The following PDE2A variants were observed in gnomAD, a reference collection of about 807,000 sequenced individuals.
PDE2A encodes cGMP-dependent 3',5'-cyclic phosphodiesterase.
Under a neutral mutation model 133.6 loss-of-function variants are expected in PDE2A, and 53 were observed. The observed-to-expected ratio is 0.40, with a 90% CI of 0.32 to 0.50. The LOEUF (loss-of-function observed/expected upper bound fraction) is 0.50. Ranked by LOEUF, PDE2A falls within the 20% of genes least tolerant of loss-of-function variation. The pLI is 0.73. For synonymous variants in PDE2A, 491 were observed against 490.2 expected, an observed-to-expected ratio of 1.00 and a Z score of -0.02; for missense variants, 796 against 1,232.4, an observed-to-expected ratio of 0.65 and a Z score of 5.30.
At chr11:72,650,048 T>C (rs1854683939) in intron 1 of PDE2A, among the ~76,000 whole-genome samples, 1 of 145,480 alleles carries the variant, frequency 6.9e-6, no homozygotes, top group South Asian at 2.2e-4. Flanking sequence ...TTAGATGGAG[T>C]CTTGCTCTGT....
intron 1 of PDE2A, among the ~76,000 whole-genome samples, chr11:72,664,743 AG>A (rs1452079835): frequency 6.6e-6 from 1 of 151,946 alleles, no homozygotes; most frequent in Non-Finnish European, 1.5e-5. Flanking sequence ...TAAAACTTAA[AG>A]GTCACTCTGT....
chr11:72,651,719 G>A (rs1406219737), intron 1 of PDE2A, among the ~76,000 whole-genome samples: 1 of 152,226 alleles, frequency 6.6e-6, no homozygotes, highest in Non-Finnish European at 1.5e-5. Context: ...TGCCCCAGCA[G>A]GCCTCAGCAT....
chr11:72,650,147 G>A (rs909635635), intron 1 of PDE2A, among the ~76,000 whole-genome samples: 12 of 151,298 alleles, frequency 7.9e-5, no homozygotes, highest in Admixed American at 6.6e-4. Context: ...TCAGCCTCCC[G>A]AGTAGCTGAG....
At chr11:72,591,425 C>A in intron 6 of PDE2A, 69 bp from the exon 7 acceptor site, 2 of 1,173,870 alleles carry the variant, frequency 1.7e-6, no homozygotes, top group South Asian at 1.2e-5. Flanking sequence ...AGTGCCCTCC[C>A]CATGCGCAGC....
chr11:72,636,035 G>T, intron 2 of PDE2A: 1 of 1,272,876 alleles, frequency 7.9e-7, no homozygotes, highest in South Asian at 1.3e-5. Flanking sequence ...GCCCCCAGTA[G>T]AGGCAACCGT....
At chr11:72,626,311 G>T (rs1858063083) in intron 2 of PDE2A, among the ~76,000 whole-genome samples, 1 of 152,200 alleles carries the variant, frequency 6.6e-6, no homozygotes, top group African/African-American at 2.4e-5. Flanking sequence ...CCGCCTCCCT[G>T]GTCCCAGGTC....
chr11:72,579,399 G>T lies in PDE2A; in HGVS notation c.2257-16C>A. On this transcript the variant is annotated splice_polypyrimidine_tract_variant and intron_variant, in intron 26 of 30. Coordinates refer to ENST00000334456, the MANE Select transcript of PDE2A (RefSeq NM_002599.5). ...GCTGATAGTCCTGAGGCGAGGGCAGGGGTGTCATGCCCTCCTACTGGACAC... is the reference window on the plus strand; with the variant it reads ...GCTGATAGTCCTGAGGCGAGGGCAGTGGTGTCATGCCCTCCTACTGGACAC... 6.2e-7 allele frequency: 1 copy of T among 1,607,236 alleles called. No homozygotes were observed. The highest frequency in any genetic ancestry group is 8.5e-7 in the Non-Finnish European group (1 of 1,174,420).
chr11:72,642,126 G>A lies in PDE2A; in HGVS notation c.144+128C>T, dbSNP rs1858978110. The A allele has an allele frequency of 3.9e-6, 5 of 1,272,324 alleles. No individual in the cohort carries two copies. The South Asian group carries it at 8.1e-5, about 20-fold the overall frequency. The allele number at this position is 1,272,324 out of a possible 1,614,324, so 78.8% of individuals were successfully genotyped here. On this transcript the variant is annotated intron_variant, in intron 2 of 30. Transcript: ENST00000334456. The stretch of plus-strand genomic sequence containing the variant: ...GCTCTTGGTCTGCGCTGCCGTCCCA[G>A]CACAGGAGTAGAATTCAGAACTAGA...
chr11:72,608,623 G>A (rs1857070601), intron 3 of PDE2A, 39 bp downstream of exon 3: 1 of 994,024 alleles, frequency 1.0e-6, no homozygotes, highest in Non-Finnish European at 1.6e-6. Context: ...AAGGATTTGG[G>A]GGTGGGGTGG....
intron 4 of PDE2A, among the ~76,000 whole-genome samples, chr11:72,602,187 CAAG>C (rs1397012718): frequency 6.6e-6 from 1 of 152,164 alleles, no homozygotes; most frequent in Non-Finnish European, 1.5e-5. Flanking sequence ...CTTACAAGCA[CAAG>C]AAGACAGGAA....
At chr11:72,671,536 A>G (rs933120324) in intron 1 of PDE2A, among the ~76,000 whole-genome samples, 10 of 145,376 alleles carry the variant, frequency 6.9e-5, no homozygotes, top group East Asian at 4.6e-4. Context: ...CAGCCAAGCC[A>G]TCAGCAGTCC....
At chr11:72,580,648 G>A in intron 24 of PDE2A, 24 bp from the exon 25 acceptor site, 1 of 1,550,494 alleles carries the variant, frequency 6.4e-7, no homozygotes, top group Non-Finnish European at 8.8e-7. Flanking sequence ...GGAAAACTGT[G>A]GTCACTCCTC....
At chr11:72,615,726 A>T (rs930521154) in intron 2 of PDE2A, among the ~76,000 whole-genome samples, 1 of 152,042 alleles carries the variant, frequency 6.6e-6, no homozygotes, top group Admixed American at 6.6e-5. Context: ...TCTCCATGCC[A>T]TCACAGTCAT....
At chr11:72,610,528 G>A (rs577296060) in intron 2 of PDE2A, among the ~76,000 whole-genome samples, 1 of 152,256 alleles carries the variant, frequency 6.6e-6, no homozygotes, top group South Asian at 2.1e-4. Flanking sequence ...GTTCCCAGGA[G>A]GAGGGCAGTA....
chr11:72,664,416 C>A (rs891670655), intron 1 of PDE2A, among the ~76,000 whole-genome samples: 1 of 118,168 alleles, frequency 8.5e-6, no homozygotes, highest in Admixed American at 1.1e-4. Context: ...CTCTGTCCCT[C>A]AGGCTGGAGT....
chr11:72,579,360 C>G lies in PDE2A; in HGVS notation c.2280G>C (p.Leu760=). 1 of 1,613,848 alleles carries G rather than the reference C, an allele frequency of 6.2e-7. No homozygotes were observed. The highest frequency in any genetic ancestry group is 1.1e-5 in the South Asian group (1 of 91,086). ...CTGTGGCCAAGATGATGTCCCGCAT[C>G]AGATCCAGCATGCGCTGATAGTCCT... ...SRKDYQRMLD[L]MRDIILATDL... is the part of the protein sequence containing the mutation. The change falls in exon 27 of 31, where the codon CTG becomes CTC. Residue 760 remains leucine, a synonymous_variant. Coordinates refer to ENST00000334456, the MANE Select transcript of PDE2A (RefSeq NM_002599.5).
intron 4 of PDE2A, among the ~76,000 whole-genome samples, chr11:72,603,502 G>A (rs1856844380): frequency 6.6e-6 from 1 of 152,142 alleles, no homozygotes; most frequent in Admixed American, 6.5e-5. Flanking sequence ...GCTGCCTCCT[G>A]AGCCTGTTTT....
chr11:72,669,851 A>C (rs1409460928), intron 1 of PDE2A, among the ~76,000 whole-genome samples: 1 of 152,102 alleles, frequency 6.6e-6, no homozygotes, highest in East Asian at 1.9e-4. Context: ...TTCACTGAAC[A>C]CCCCTTTCTC....
intron 14 of PDE2A, among the ~76,000 whole-genome samples, 172 bp from the exon 15 acceptor site, chr11:72,585,765 A>C (rs2135290062): frequency 6.6e-6 from 1 of 152,354 alleles, no homozygotes; most frequent in African/African-American, 2.4e-5. Context: ...TGAAGGAGTG[A>C]GGGAATAGCC....
Sources: allele counts gnomAD v4.1 joint callset (sites outside exome capture counted in the v4.1 genomes callset), GRCh38; gene constraint gnomAD v4.1.1; transcripts MANE v1.5; gene names NCBI Gene and HGNC (gene_info 2026-07-23, HGNC 2026-07-21).